The following ZNF638 variants were observed in gnomAD, a reference collection of about 807,000 sequenced individuals.
The protein encoded by ZNF638 is zinc finger protein 638, also known as CTCL tumor antigen se33-1.
In ZNF638, 46 loss-of-function variants were observed where a neutral mutation model predicts 195.6. The observed-to-expected ratio is 0.24, with a 90% CI of 0.19 to 0.30. The LOEUF (loss-of-function observed/expected upper bound fraction) is 0.30, where lower values mean the gene tolerates loss of function less well. Ranked by LOEUF, ZNF638 falls within the 10% of genes least tolerant of loss-of-function variation. ZNF638 has a pLI of 1.00. For synonymous variants in ZNF638, 845 were observed against 772.0 expected, an observed-to-expected ratio of 1.09 and a Z score of -1.57; for missense variants, 2,440 against 2,325.3, an observed-to-expected ratio of 1.05 and a Z score of -1.01.
At chr2:71,418,030 A>G (rs1003909413) in intron 20 of ZNF638, among the ~76,000 whole-genome samples, 2 of 152,198 alleles carry the variant, frequency 1.3e-5, no homozygotes, top group Non-Finnish European at 2.9e-5. Context: ...ATGCATCCCA[A>G]GTACCCAGGA....
Position 71,365,455 on chromosome 2 carries a change from G to A in ZNF638, c.1744G>A (p.Val582Ile), listed in dbSNP as rs1233087904. Residue 582 changes from valine to isoleucine, a missense_variant, in exon 6 of 28, where the codon GTA becomes ATA. By Grantham distance (29) the Val-to-Ile change is conservative. This residue lies in a region of ZNF638 where 1,883 missense variants were observed against 1,739.1 expected (regional missense o/e 1.08). Transcript: ENST00000264447. The part of the protein sequence containing the change: ...SDRKKALEDV[V>I]QRSGHGTEFN... ...TAGAAAAAAAGCATTAGAAGATGTA[G>A]TACAACGATCTGGGCATGGGACAGA... 3 of 1,610,606 alleles carry A rather than the reference G, an allele frequency of 1.9e-6. No individual in the cohort carries two copies. In the South Asian group the frequency reaches 3.3e-5, roughly 18 times the overall value.
chr2:71,433,515 A>G, intron 27 of ZNF638: 1 of 403,542 alleles, frequency 2.5e-6, no homozygotes, highest in Non-Finnish European at 4.4e-6. Flanking sequence ...CACTAGTCTC[A>G]TATGACACTC....
chr2:71,410,992 C>T lies in ZNF638; in HGVS notation c.3261+2745C>T, dbSNP rs866859827. On this transcript the variant is annotated intron_variant, in intron 20 of 27. Transcript: ENST00000264447. The stretch of plus-strand genomic sequence containing the variant: ...CTCCCCACCCACCACCTCCCCCCCC[C>T]TTTTTTTTTTTTTTTTTTTTGTCGA... Among the ~76,000 whole-genome samples, 116 of 24,532 alleles carry T rather than the reference C, an allele frequency of 4.7e-3. 4 individuals carry two copies. Among genetic ancestry groups the T allele is most frequent in the East Asian group, 0.018 (17 of 932 alleles). 16.1% of individuals were successfully genotyped at this position (24,532 alleles called of 152,430 possible). A position where few individuals can be genotyped will look rare whatever the true frequency, so the allele number is the denominator to read the frequency against.
At chr2:71,355,200 C>T (rs1440563120) in intron 2 of ZNF638, among the ~76,000 whole-genome samples, 1 of 152,148 alleles carries the variant, frequency 6.6e-6, no homozygotes, top group East Asian at 1.9e-4. Context: ...TCGTGATCCG[C>T]CCTCCTTGGC....
chr2:71,412,036 C>T (rs1290190493), intron 20 of ZNF638, among the ~76,000 whole-genome samples: 1 of 117,586 alleles, frequency 8.5e-6, no homozygotes. Context: ...TTCTAGATCC[C>T]TGAGGAATCA....
chr2:71,347,661 G>C (rs995869641), intron 1 of ZNF638, among the ~76,000 whole-genome samples: 1 of 152,180 alleles, frequency 6.6e-6, no homozygotes, highest in African/African-American at 2.4e-5. Flanking sequence ...TTGTAGAAAA[G>C]GCAAGTTGTG....
Position 71,362,207 on chromosome 2 carries a change from C to T in ZNF638, c.1380-946C>T, listed in dbSNP as rs567561734. On this transcript the variant is annotated intron_variant, in intron 3 of 27. Coordinates refer to ENST00000264447, the MANE Select transcript of ZNF638 (RefSeq NM_014497.5). ...TTCTTAATCTTTTATTATTTTTTTT[C>T]TTTGCTTTACTCTAAAGTTGTCGAT... is the stretch of plus-strand genomic sequence containing the variant. 5.9e-5 allele frequency among the ~76,000 whole-genome samples: 9 copies of T among 151,512 alleles called. No homozygotes were observed. In the East Asian group the frequency reaches 1.7e-3, roughly 29 times the overall value.
chr2:71,364,646 A>AAG (rs2079164689), intron 5 of ZNF638, among the ~76,000 whole-genome samples: 1 of 152,224 alleles, frequency 6.6e-6, no homozygotes, highest in South Asian at 2.1e-4. Flanking sequence ...TCTACAATGA[A>AAG]AGAAACCATA....
intron 3 of ZNF638, among the ~76,000 whole-genome samples, chr2:71,361,031 A>T (rs1222657175): frequency 6.6e-6 from 1 of 152,136 alleles, no homozygotes; most frequent in Non-Finnish European, 1.5e-5. Flanking sequence ...TTGCTATCTC[A>T]GCTCACTGCA....
Position 71,384,938 on chromosome 2 carries a change from TG to T in ZNF638, c.2377+4376del, listed in dbSNP as rs578258318. ...CCAATAAAAGCCCTTTGCTCACCTG[TG>T]GGAACTCCCACATGTGAGTTCCACC... On this transcript the variant is annotated intron_variant, in intron 10 of 27. Coordinates refer to ENST00000264447, the MANE Select transcript of ZNF638 (RefSeq NM_014497.5). Among the ~76,000 whole-genome samples, 34 of 152,332 alleles carry T rather than the reference TG, an allele frequency of 2.2e-4. No individual in the cohort carries two copies. In the South Asian group the frequency reaches 7.0e-3, roughly 32 times the overall value.
chr2:71,385,592 A>T (rs1412099618), intron 10 of ZNF638, among the ~76,000 whole-genome samples: 4 of 152,188 alleles, frequency 2.6e-5, no homozygotes. Context: ...AGTCACACTG[A>T]TCTACACCTA....
intron 1 of ZNF638, among the ~76,000 whole-genome samples, chr2:71,332,427 G>A (rs529664394): frequency 6.6e-6 from 1 of 152,320 alleles, no homozygotes; most frequent in South Asian, 2.1e-4. Context: ...AGGGGGTGTC[G>A]GGATGAAGGA....
At chr2:71,427,710 T>C (rs780889883) in intron 24 of ZNF638, among the ~76,000 whole-genome samples, 20 of 151,190 alleles carry the variant, frequency 1.3e-4, no homozygotes, top group Admixed American at 3.9e-4. Flanking sequence ...ATTTGTATTG[T>C]GGGAAAAAGA....
At chr2:71,400,576 T>A in intron 15 of ZNF638, 58 bp downstream of exon 15, 1 of 1,456,794 alleles carries the variant, frequency 6.9e-7, no homozygotes, top group Middle Eastern at 1.8e-4. Context: ...ACAAAAGATA[T>A]TTTTCTTATA....
Position 71,410,989 on chromosome 2 carries a change from C to G in ZNF638, c.3261+2742C>G, listed in dbSNP as rs1480857928. ...TTTCTCCCCACCCACCACCTCCCCC[C>G]CCCTTTTTTTTTTTTTTTTTTTTGT... On this transcript the variant is annotated intron_variant, in intron 20 of 27. Coordinates refer to ENST00000264447, the MANE Select transcript of ZNF638 (RefSeq NM_014497.5). 7.0e-5 allele frequency among the ~76,000 whole-genome samples: 6 copies of G among 86,258 alleles called. 1 individual carries two copies. Among genetic ancestry groups the G allele is most frequent in the Non-Finnish European group, 7.6e-5 (3 of 39,692 alleles). 56.6% of individuals were successfully genotyped at this position (86,258 alleles called of 152,430 possible). A position where few individuals can be genotyped will look rare whatever the true frequency, so the allele number is the denominator to read the frequency against.
intron 10 of ZNF638, among the ~76,000 whole-genome samples, chr2:71,383,766 T>G (rs1370623099): frequency 1.5e-5 from 2 of 135,634 alleles, no homozygotes; most frequent in Admixed American, 1.4e-4. Flanking sequence ...CTTTTTCTTT[T>G]TTTTTTTTTT....
rs765720870 is a variant in ZNF638 at position 71,349,377 on chromosome 2, A to G, written c.423A>G (p.Ser141=). ...GCCGCTATACAAAAGAGAGTGCCTC[A>G]AGTATCTTAGCAAGTTTTGGATTAT... The part of the protein sequence containing the change: ...VQSRYTKESA[S]SILASFGLSN... The change falls in exon 2 of 28, where the codon TCA becomes TCG. Residue 141 remains serine (S), a synonymous_variant. Transcript: ENST00000264447. The G allele has an allele frequency of 1.2e-6, 2 of 1,614,174 alleles. No homozygotes were observed. Among genetic ancestry groups the G allele is most frequent in the South Asian group, 1.1e-5 (1 of 91,080 alleles).
chr2:71,393,849 C>T (rs933928928), intron 10 of ZNF638, among the ~76,000 whole-genome samples: 5 of 152,258 alleles, frequency 3.3e-5, no homozygotes, highest in African/African-American at 9.6e-5. Context: ...TTATTAATGG[C>T]ACACATTGGA....
intron 22 of ZNF638, 79 bp from the exon 23 acceptor site, chr2:71,424,571 G>GTTT: frequency 8.4e-7 from 1 of 1,185,590 alleles, no homozygotes; most frequent in South Asian, 1.4e-5. Flanking sequence ...GTTTTTTTTT[G>GTTT]TTTTTTGTTT....
Sources: gnomAD v4.1 joint callset for allele counts (sites outside exome capture counted in the v4.1 genomes callset) on GRCh38, gnomAD v4.1.1 for gene constraint, gnomAD v4.1.1 regional missense constraint, MANE v1.5 for transcripts, NCBI Gene and HGNC (gene_info 2026-07-23, HGNC 2026-07-21) for gene names.